DAB1: variants seen among roughly 807,000 people sequenced by gnomAD.
DAB1 encodes DAB adaptor protein 1.
Under a neutral mutation model 64.6 loss-of-function variants are expected in DAB1, and 15 were observed. That is an observed-to-expected ratio of 0.23 (90% CI 0.16 to 0.36). The LOEUF (loss-of-function observed/expected upper bound fraction) is 0.36. Ranked by LOEUF, DAB1 falls within the 10% of genes least tolerant of loss-of-function variation. DAB1 has a pLI of 1.00. For missense variants in DAB1, 596 were observed against 706.7 expected (o/e 0.84, Z 1.78); for synonymous variants, 235 against 251.9 (o/e 0.93, Z 0.64).
chr1:57,323,273 CATA>C (rs1675871442), intron 1 of DAB1, among the ~76,000 whole-genome samples: 1 of 152,144 alleles, frequency 6.6e-6, no homozygotes, highest in Non-Finnish European at 1.5e-5. Flanking sequence ...GGCTAAGATG[CATA>C]AACAGCCCAG....
At chr1:58,185,291 G>T (rs617312) in intron 4 of DAB1, among the ~76,000 whole-genome samples, 1,739 of 152,272 alleles carry the variant, frequency 0.011, 41 homozygotes, top group African/African-American at 0.04. Context: ...CTCATTATCT[G>T]CAGGCATCTG....
intron 5 of DAB1, among the ~76,000 whole-genome samples, chr1:58,066,881 T>G (rs2764681): frequency 0.48 from 73,230 of 152,094 alleles, 19,448 homozygotes; most frequent in Non-Finnish European, 0.59. Flanking sequence ...GACATCTTTC[T>G]CTGCTGAATA....
intron 4 of DAB1, among the ~76,000 whole-genome samples, chr1:58,334,012 C>T (rs956400700): frequency 7.9e-5 from 12 of 152,224 alleles, no homozygotes; most frequent in South Asian, 6.2e-4. Flanking sequence ...CTACTCTCTC[C>T]GTCTCTGTAA....
intron 6 of DAB1, among the ~76,000 whole-genome samples, chr1:57,650,384 T>C (rs1416662753): frequency 6.6e-6 from 1 of 152,132 alleles, no homozygotes; most frequent in African/African-American, 2.4e-5. Context: ...GAGGAAACAA[T>C]TATGAATGCA....
At chr1:57,713,037 C>G (rs1268627133) in intron 6 of DAB1, among the ~76,000 whole-genome samples, 3 of 152,118 alleles carry the variant, frequency 2.0e-5, no homozygotes, top group Non-Finnish European at 4.4e-5. Context: ...TGGGTTGGCT[C>G]CAGGGCCTCT....
intron 1 of DAB1, among the ~76,000 whole-genome samples, chr1:58,533,654 G>T (rs1192562616): frequency 6.6e-6 from 1 of 152,134 alleles, no homozygotes; most frequent in African/African-American, 2.4e-5. Flanking sequence ...AATAATTATA[G>T]AAAGTTTAAA....
intron 1 of DAB1, among the ~76,000 whole-genome samples, chr1:57,392,067 C>G (rs1682422651): frequency 1.3e-5 from 2 of 152,128 alleles, no homozygotes; most frequent in South Asian, 4.1e-4. Flanking sequence ...CCAAACTTCC[C>G]TAGTCATGTA....
chr1:57,281,034 C>G (rs1671843176), intron 2 of DAB1, among the ~76,000 whole-genome samples: 1 of 152,042 alleles, frequency 6.6e-6, no homozygotes, highest in Non-Finnish European at 1.5e-5. Flanking sequence ...CCTTAGAATC[C>G]AGGGGACTCA....
At chr1:57,865,034 G>T (rs900716130) in intron 1 of DAB1, 2 of 152,074 alleles carry the variant, frequency 1.3e-5, no homozygotes, top group Admixed American at 6.6e-5. Flanking sequence ...AATAAATCCC[G>T]TACACTTGGA....
intron 4 of DAB1, among the ~76,000 whole-genome samples, chr1:58,170,812 C>T (rs1232251554): frequency 1.3e-5 from 2 of 152,166 alleles, no homozygotes; most frequent in Non-Finnish European, 1.5e-5. Context: ...AAGCCCCCAA[C>T]CAGATGATCC....
At chr1:57,754,515 G>A (rs972869738) in intron 6 of DAB1, among the ~76,000 whole-genome samples, 1 of 151,478 alleles carries the variant, frequency 6.6e-6, no homozygotes, top group Non-Finnish European at 1.5e-5. Flanking sequence ...GTAAAACCCC[G>A]TCTCTACTAA....
intron 1 of DAB1, among the ~76,000 whole-genome samples, chr1:57,364,690 T>C (rs1384452160): frequency 6.6e-6 from 1 of 151,920 alleles, no homozygotes; most frequent in African/African-American, 2.4e-5. Flanking sequence ...ATATACACTC[T>C]TAGAAGGGAA....
At chr1:57,005,015 C>T (rs867058650) in intron 14 of DAB1, among the ~76,000 whole-genome samples, 14 of 152,134 alleles carry the variant, frequency 9.2e-5, no homozygotes, top group East Asian at 5.8e-4. Context: ...AGCTTTCTGG[C>T]CACTTTGAGT....
At chr1:57,709,571 T>A (rs951533241) in intron 6 of DAB1, among the ~76,000 whole-genome samples, 2 of 151,172 alleles carry the variant, frequency 1.3e-5, no homozygotes, top group Non-Finnish European at 2.9e-5. Context: ...AGGTTAAGAG[T>A]GGAAGTTTAA....
At chr1:57,802,254 T>C (rs1651163773) in intron 6 of DAB1, among the ~76,000 whole-genome samples, 1 of 152,250 alleles carries the variant, frequency 6.6e-6, no homozygotes, top group Admixed American at 6.5e-5. Flanking sequence ...ACTTTGCTGT[T>C]GTCCTTTTGG....
intron 3 of DAB1, among the ~76,000 whole-genome samples, chr1:58,386,667 T>G (rs2100551675): frequency 6.6e-6 from 1 of 152,268 alleles, no homozygotes; most frequent in East Asian, 1.9e-4. Context: ...TTTTGTAAAG[T>G]GAGAAATATG....
intron 1 of DAB1, among the ~76,000 whole-genome samples, chr1:57,417,265 G>A (rs983131116): frequency 6.7e-5 from 10 of 150,342 alleles, no homozygotes; most frequent in African/African-American, 2.4e-4. Context: ...TATGCCAGAG[G>A]TTGCAAATTG....
intron 3 of DAB1, among the ~76,000 whole-genome samples, chr1:58,360,113 T>C (rs914536628): frequency 6.6e-6 from 1 of 152,154 alleles, no homozygotes; most frequent in Non-Finnish European, 1.5e-5. Context: ...GAAAAGGTTG[T>C]GTTCTAGTGG....
intron 9 of DAB1, among the ~76,000 whole-genome samples, chr1:57,037,497 A>T (rs1326209620): frequency 6.6e-6 from 1 of 152,250 alleles, no homozygotes; most frequent in Non-Finnish European, 1.5e-5. Context: ...AACAAAAAAC[A>T]CAAAACGAAA....
Sources: gnomAD v4.1 joint callset for allele counts (sites outside exome capture counted in the v4.1 genomes callset) on GRCh38, gnomAD v4.1.1 for gene constraint, MANE v1.5 for transcripts, NCBI Gene and HGNC (gene_info 2026-07-23, HGNC 2026-07-21) for gene names.